The following VWC2 variants were observed in gnomAD, a reference collection of about 807,000 sequenced individuals.
VWC2 encodes the protein brorin.
Under a neutral mutation model 29.8 loss-of-function variants are expected in VWC2, and 14 were observed. The ratio of observed to expected loss-of-function variants is 0.47; its 90% CI spans 0.31 to 0.74. The LOEUF (loss-of-function observed/expected upper bound fraction) is 0.74, where lower values mean the gene tolerates loss of function less well. Among genes scored for constraint, VWC2 ranks in the 30% least tolerant of loss-of-function variants. VWC2 has a pLI of 0.05. For synonymous variants in VWC2, 213 were observed against 199.0 expected (o/e 1.07, Z -0.59); for missense variants, 457 against 459.8 (o/e 0.99, Z 0.05).
chr7:49,785,130 T>C (rs946396267), intron 2 of VWC2, among the ~76,000 whole-genome samples: 3 of 152,218 alleles, frequency 2.0e-5, no homozygotes, highest in African/African-American at 7.2e-5. Context: ...ATTTAATGAA[T>C]GATATCAATC....
At chr7:49,793,750 G>C (rs746783095) in intron 2 of VWC2, among the ~76,000 whole-genome samples, 34 of 152,100 alleles carry the variant, frequency 2.2e-4, no homozygotes, top group Non-Finnish European at 4.4e-4. Context: ...AACTCTTAGG[G>C]CTTTAGGTCT....
chr7:49,789,266 T>G (rs1255087591), intron 2 of VWC2, among the ~76,000 whole-genome samples: 1 of 142,742 alleles, frequency 7.0e-6, no homozygotes, highest in Non-Finnish European at 1.5e-5. Context: ...TGGGTGTGTG[T>G]GAGCGGGTGT....
At chr7:49,863,006 C>T (rs541113831) in intron 3 of VWC2, among the ~76,000 whole-genome samples, 3 of 152,244 alleles carry the variant, frequency 2.0e-5, no homozygotes, top group East Asian at 1.9e-4. Context: ...ATTCCTCCCT[C>T]TTCTATTATA....
At chr7:49,800,473 C>T (rs939846665) in intron 2 of VWC2, among the ~76,000 whole-genome samples, 2 of 152,150 alleles carry the variant, frequency 1.3e-5, no homozygotes, top group African/African-American at 4.8e-5. Flanking sequence ...CGTTGTGCTG[C>T]TTCGTGAGGA....
At position 49,877,501 on chromosome 7, in the gene VWC2, T is replaced by C. The variant is rs1184964050; in HGVS notation, c.827-34533T>C. Among the ~76,000 whole-genome samples the C allele has an allele frequency of 9.8e-4, 89 of 90,654 alleles. 14 individuals are homozygous for C. Among genetic ancestry groups the C allele is most frequent in the African/African-American group, 1.2e-3 (31 of 26,370 alleles). 59.5% of individuals were successfully genotyped at this position (90,654 alleles called of 152,430 possible). A position where few individuals can be genotyped will look rare whatever the true frequency, so the allele number is the denominator to read the frequency against. On this transcript the variant is annotated intron_variant, in intron 3 of 3. Transcript: ENST00000340652. ...AAAAAAATATATATATATATATATATATATATATATATATATAGTTATTTG... is the reference window on the plus strand; with the variant it reads ...AAAAAAATATATATATATATATATACATATATATATATATATAGTTATTTG...
intron 3 of VWC2, among the ~76,000 whole-genome samples, chr7:49,867,674 A>T (rs1005694507): frequency 2.0e-5 from 3 of 152,148 alleles, no homozygotes; most frequent in African/African-American, 7.2e-5. Context: ...CTGAAGAGAG[A>T]GGAGAATTCT....
rs1164790275 is a variant in VWC2, at chr7:49,913,289, T to C, written c.*1104T>C. ...GCACTCCACAACTTTCCTATAGTTA[T>C]AATTCCAAACCAACTTCTTTTCTCT... On this transcript the variant is annotated 3_prime_UTR_variant, in exon 4 of 4. Coordinates refer to ENST00000340652, the MANE Select transcript of VWC2 (RefSeq NM_198570.5). The C allele has an allele frequency of 6.6e-6, 1 of 152,220 alleles. No homozygotes were observed. Among genetic ancestry groups the C allele is most frequent in the East Asian group, 1.9e-4 (1 of 5,200 alleles). 9.4% of individuals were successfully genotyped at this position (152,220 alleles called of 1,614,324 possible).
At chr7:49,850,709 G>A (rs1478645940) in intron 3 of VWC2, among the ~76,000 whole-genome samples, 1 of 152,234 alleles carries the variant, frequency 6.6e-6, no homozygotes, top group Non-Finnish European at 1.5e-5. Context: ...TTGTGTTCAT[G>A]TATTGGTCTC....
intron 3 of VWC2, among the ~76,000 whole-genome samples, chr7:49,826,837 CTGATGG>C (rs1789404166): frequency 6.6e-6 from 1 of 152,082 alleles, no homozygotes; most frequent in Admixed American, 6.6e-5. Flanking sequence ...ACTCTGGCCC[CTGATGG>C]GTGGACTATA....
At chr7:49,806,094 T>TC (rs1788870950) in intron 3 of VWC2, among the ~76,000 whole-genome samples, 1 of 149,244 alleles carries the variant, frequency 6.7e-6, no homozygotes, top group African/African-American at 2.5e-5. Context: ...TGTTTTTAAA[T>TC]TCCACCCCCC....
At position 49,916,014 on chromosome 7, in the gene VWC2, G is replaced by A. The variant is rs1793703303; in HGVS notation, c.*3829G>A. On this transcript the variant is annotated 3_prime_UTR_variant, in exon 4 of 4. Coordinates refer to ENST00000340652, the MANE Select transcript of VWC2 (RefSeq NM_198570.5). ...AAGAGAGAACAATTTACTTATTCAG[G>A]AATAAGTGCATTTTTACAGTACATA... 6.6e-6 allele frequency: 1 copy of A among 152,102 alleles called. No individual in the cohort carries two copies. The allele number at this position is 152,102 out of a possible 1,614,324, so 9.4% of individuals were successfully genotyped here.
chr7:49,839,798 A>G lies in VWC2; in HGVS notation c.826+36958A>G, dbSNP rs544196857. ...CAAACGGGGCCTTTGACATGAACTC[A>G]AGTTAGGAGTGAGAACCACATGTTT... On this transcript the variant is annotated intron_variant, in intron 3 of 3. Transcript: ENST00000340652. Among the ~76,000 whole-genome samples the G allele has an allele frequency of 7.7e-4, 117 of 152,326 alleles. 1 individual carries two copies. Among genetic ancestry groups the G allele is most frequent in the Non-Finnish European group, 9.0e-4 (61 of 68,028 alleles).
chr7:49,800,253 G>C (rs1021817635), intron 2 of VWC2, among the ~76,000 whole-genome samples: 21 of 152,170 alleles, frequency 1.4e-4, no homozygotes, highest in African/African-American at 4.8e-4. Flanking sequence ...GCAGAAAGCT[G>C]CTGGACGAGG....
chr7:49,910,907 C>T (rs898950848), intron 3 of VWC2, among the ~76,000 whole-genome samples: 1 of 152,166 alleles, frequency 6.6e-6, no homozygotes, highest in African/African-American at 2.4e-5. Flanking sequence ...GAATCACAAA[C>T]TCTGCAAACA....
intron 3 of VWC2, among the ~76,000 whole-genome samples, chr7:49,806,452 A>C (rs1225643034): frequency 6.6e-6 from 1 of 152,258 alleles, no homozygotes; most frequent in Non-Finnish European, 1.5e-5. Flanking sequence ...AAGGTTGTAT[A>C]TCTCCCTGAA....
chr7:49,845,699 G>T (rs1789925463), intron 3 of VWC2, among the ~76,000 whole-genome samples: 1 of 152,124 alleles, frequency 6.6e-6, no homozygotes. Flanking sequence ...CCTAATAAAA[G>T]ACCTTGACAT....
chr7:49,865,250 C>T (rs1790829030), intron 3 of VWC2, among the ~76,000 whole-genome samples: 1 of 152,096 alleles, frequency 6.6e-6, no homozygotes, highest in Admixed American at 6.6e-5. Flanking sequence ...TCTTGAGGAA[C>T]AGTGATGAAA....
At position 49,775,982 on chromosome 7, in the gene VWC2, G is replaced by T; in HGVS notation, c.547G>T (p.Glu183Ter). The T allele has an allele frequency of 6.5e-7, 1 of 1,547,146 alleles. No individual in the cohort carries two copies. Among genetic ancestry groups the T allele is most frequent in the Non-Finnish European group, 8.7e-7 (1 of 1,149,740 alleles). The change falls in exon 2 of 4, where the codon GAG becomes TAG. Residue 183 changes from glutamate (E) to a stop codon, truncating the protein, a stop_gained. Coordinates refer to ENST00000340652, the MANE Select transcript of VWC2 (RefSeq NM_198570.5). LOFTEE classifies it high-confidence loss of function. ...GGCCTGCCCGTGCCTGTGCACCGAG[G>T]AGGGGCCGCTGTGCGCGCAGCCCGA... is the stretch of plus-strand genomic sequence containing the variant. ...PSACPCLCTE[E>*]GPLCAQPECP...
At chr7:49,788,891 GGAGT>G (rs967021978) in intron 2 of VWC2, among the ~76,000 whole-genome samples, 14 of 142,078 alleles carry the variant, frequency 9.9e-5, no homozygotes, top group East Asian at 6.7e-4. Flanking sequence ...GGGTGTGTGT[GGAGT>G]GAGTGTGGGT....
Sources: gnomAD v4.1 joint callset for allele counts (sites outside exome capture counted in the v4.1 genomes callset) on GRCh38, gnomAD v4.1.1 for gene constraint, MANE v1.5 for transcripts, NCBI Gene and HGNC (gene_info 2026-07-23, HGNC 2026-07-21) for gene names.